Variants in CACNG4 observed in about 807,000 individuals in gnomAD.
CACNG4 encodes voltage-dependent calcium channel gamma-4 subunit.
Under a neutral mutation model 22.9 loss-of-function variants are expected in CACNG4, and 8 were observed. That is an observed-to-expected ratio of 0.35 (90% CI 0.21 to 0.63). CACNG4 has a LOEUF of 0.63. CACNG4 is among the 30% of genes least tolerant of loss of function. The pLI is 0.72. For synonymous variants in CACNG4, 188 were observed against 191.9 expected (o/e 0.98, Z 0.17); for missense variants, 357 against 455.4 (o/e 0.78, Z 1.97).
At chr17:66,990,992 T>C (rs928731774) in intron 1 of CACNG4, among the ~76,000 whole-genome samples, 2 of 152,164 alleles carry the variant, frequency 1.3e-5, no homozygotes, top group Non-Finnish European at 2.9e-5. Flanking sequence ...AGTCTCCTTA[T>C]TTTAAAAAGG....
intron 1 of CACNG4, among the ~76,000 whole-genome samples, chr17:67,011,364 A>C (rs1322282567): frequency 6.6e-6 from 1 of 152,178 alleles, no homozygotes; most frequent in African/African-American, 2.4e-5. Context: ...CCACACCTTC[A>C]TCATCTCAGC....
intron 1 of CACNG4, among the ~76,000 whole-genome samples, chr17:66,989,706 A>G (rs1421762095): frequency 6.6e-6 from 1 of 151,448 alleles, no homozygotes; most frequent in African/African-American, 2.4e-5. Context: ...GGTAGCCTCA[A>G]ATAAAAGAAA....
At chr17:66,983,134 G>C (rs539572373) in intron 1 of CACNG4, among the ~76,000 whole-genome samples, 1 of 152,262 alleles carries the variant, frequency 6.6e-6, no homozygotes, top group African/African-American at 2.4e-5. Context: ...AACAGTGGTA[G>C]CTATGACATG....
In CACNG4 at chr17:66,992,281, A is replaced by G. The variant is rs544204471; in HGVS notation, c.221-25908A>G. Among the ~76,000 whole-genome samples the G allele has an allele frequency of 1.2e-4, 19 of 152,194 alleles. No individual in the cohort carries two copies. In the East Asian group the frequency reaches 3.3e-3, roughly 26 times the overall value. Reference sequence around the variant, plus strand: ...ATAGGTCCCATAGATTGGGGAGGAGACGGGTGGGGACCCCATGTTGGATCA... The same window carrying G: ...ATAGGTCCCATAGATTGGGGAGGAGGCGGGTGGGGACCCCATGTTGGATCA... On this transcript the variant is annotated intron_variant, in intron 1 of 3. Coordinates refer to ENST00000262138, the MANE Select transcript of CACNG4 (RefSeq NM_014405.4).
At chr17:67,026,457 G>A (rs2035567124) in intron 3 of CACNG4, among the ~76,000 whole-genome samples, 1 of 142,366 alleles carries the variant, frequency 7.0e-6, no homozygotes, top group Non-Finnish European at 1.5e-5. Flanking sequence ...TGGTGTATGT[G>A]TGTGTATTTG....
intron 1 of CACNG4, among the ~76,000 whole-genome samples, chr17:66,992,957 G>A (rs1014010499): frequency 1.3e-5 from 2 of 152,240 alleles, no homozygotes; most frequent in Non-Finnish European, 2.9e-5. Context: ...CAGGAAGATC[G>A]GGCCCCTCTG....
rs550181068 is a variant in CACNG4 at position 66,964,774 on chromosome 17, G to C, written c.-138G>C. ...AGCGCAGGCACGCCCGGGGCGCGGGGTCGGAGCGCGCAGCGCGGCGCCGCC... is the reference window on the plus strand; with the variant it reads ...AGCGCAGGCACGCCCGGGGCGCGGGCTCGGAGCGCGCAGCGCGGCGCCGCC... On this transcript the variant is annotated 5_prime_UTR_variant, in exon 1 of 4. Coordinates refer to ENST00000262138, the MANE Select transcript of CACNG4 (RefSeq NM_014405.4). The C allele has an allele frequency of 0.019, 4,514 of 232,704 alleles. 209 individuals are homozygous for C. The highest frequency in any genetic ancestry group is 0.1 in the African/African-American group (4,284 of 42,220). 14.4% of individuals were successfully genotyped at this position (232,704 alleles called of 1,614,324 possible).
At chr17:67,007,153 T>C (rs552804227) in intron 1 of CACNG4, among the ~76,000 whole-genome samples, 1 of 151,698 alleles carries the variant, frequency 6.6e-6, no homozygotes, top group Admixed American at 6.6e-5. Flanking sequence ...CTAGCCTGGG[T>C]GACAGAGCGA....
At chr17:66,979,218 C>G (rs2035256429) in intron 1 of CACNG4, among the ~76,000 whole-genome samples, 1 of 152,202 alleles carries the variant, frequency 6.6e-6, no homozygotes, top group African/African-American at 2.4e-5. Flanking sequence ...GTCCCTCTTT[C>G]TCTCCTTTCT....
At chr17:66,979,238 G>A (rs1318130026) in intron 1 of CACNG4, among the ~76,000 whole-genome samples, 1 of 152,010 alleles carries the variant, frequency 6.6e-6, no homozygotes, top group Non-Finnish European at 1.5e-5. Context: ...TTTCTTCCTT[G>A]TATTTCTAAT....
At chr17:67,024,656 C>G (rs554553597) in intron 2 of CACNG4, among the ~76,000 whole-genome samples, 8 of 152,348 alleles carry the variant, frequency 5.3e-5, no homozygotes, top group Admixed American at 2.6e-4. Flanking sequence ...AAGGGCAGGC[C>G]CGGAGCCCCC....
chr17:67,004,304 G>A (rs189164967), intron 1 of CACNG4, among the ~76,000 whole-genome samples: 5 of 152,280 alleles, frequency 3.3e-5, no homozygotes, highest in East Asian at 1.9e-4. Context: ...CTCCGGCTCC[G>A]TTTAATTATG....
At chr17:66,990,439 G>A (rs923890848) in intron 1 of CACNG4, among the ~76,000 whole-genome samples, 1 of 152,144 alleles carries the variant, frequency 6.6e-6, no homozygotes, top group African/African-American at 2.4e-5. Context: ...AACACTCAAG[G>A]GGAGGATGTT....
intron 3 of CACNG4, among the ~76,000 whole-genome samples, chr17:67,028,242 C>A (rs983805831): frequency 6.6e-6 from 1 of 152,034 alleles, no homozygotes; most frequent in African/African-American, 2.4e-5. Context: ...GAGACAAACA[C>A]AACACAGCAC....
At chr17:66,968,378 C>A (rs2035183070) in intron 1 of CACNG4, among the ~76,000 whole-genome samples, 1 of 152,048 alleles carries the variant, frequency 6.6e-6, no homozygotes, top group African/African-American at 2.4e-5. Context: ...CTTTTCCCTT[C>A]TTTTCTCTTC....
At chr17:67,010,741 A>G (rs1376585019) in intron 1 of CACNG4, among the ~76,000 whole-genome samples, 1 of 152,092 alleles carries the variant, frequency 6.6e-6, no homozygotes, top group Non-Finnish European at 1.5e-5. Context: ...TCCTGGAAAC[A>G]TAGAGCCCTC....
At position 66,988,144 on chromosome 17, in the gene CACNG4, T is replaced by A. The variant is rs1428158791; in HGVS notation, c.220+23013T>A. ...CCTGATAGCACCCAGCTTGGCTGCA[T>A]GAATCCCCGTGTACTGCACCTGGGA... On this transcript the variant is annotated intron_variant, in intron 1 of 3. Coordinates refer to ENST00000262138, the MANE Select transcript of CACNG4 (RefSeq NM_014405.4). 5.9e-5 allele frequency among the ~76,000 whole-genome samples: 9 copies of A among 152,042 alleles called. No individual in the cohort carries two copies. In the East Asian group the frequency reaches 1.8e-3, roughly 30 times the overall value.
chr17:67,005,021 G>A (rs918345442), intron 1 of CACNG4, among the ~76,000 whole-genome samples: 6 of 152,158 alleles, frequency 3.9e-5, no homozygotes, highest in African/African-American at 1.4e-4. Flanking sequence ...ACCCTGCCCC[G>A]TCCCAAAGAG....
rs543907094 is a variant in CACNG4, at chr17:67,030,183, A to AT, written c.446-275dup. Among the ~76,000 whole-genome samples the AT allele has an allele frequency of 2.2e-3, 341 of 151,822 alleles. 3 individuals are homozygous for AT. The highest frequency in any genetic ancestry group is 8.1e-3 in the African/African-American group (337 of 41,350). ...TGTGTGTGTGTGTGTGAAGAGAGAA[A>AT]TTTTTTTTCTGGAAGGACATACGAA... On this transcript the variant is annotated intron_variant, in intron 3 of 3. Coordinates refer to ENST00000262138, the MANE Select transcript of CACNG4 (RefSeq NM_014405.4). This position sits in a 1 kb window ranked among gnomAD's most constrained non-coding sequence, Gnocchi z 6.4.
Sources: allele counts gnomAD v4.1 joint callset (sites outside exome capture counted in the v4.1 genomes callset), GRCh38; gene constraint gnomAD v4.1.1; non-coding constraint Gnocchi (gnomAD v3.1); transcripts MANE v1.5; gene names NCBI Gene and HGNC (gene_info 2026-07-23, HGNC 2026-07-21).